Variants in RASSF3 observed in about 807,000 individuals in gnomAD.
RASSF3 encodes ras association domain-containing protein 3.
Under a neutral mutation model 19.9 loss-of-function variants are expected in RASSF3, and 19 were observed. The ratio of observed to expected loss-of-function variants is 0.96; its 90% CI spans 0.67 to 1.40. The LOEUF is 1.40. Ranked by LOEUF, RASSF3 falls within the 40% of genes most tolerant of loss-of-function variation. The pLI is 0.00. For synonymous variants in RASSF3, 110 were observed against 104.2 expected, an observed-to-expected ratio of 1.06 and a Z score of -0.34; for missense variants, 306 against 289.8, an observed-to-expected ratio of 1.06 and a Z score of -0.41.
intron 1 of RASSF3, among the ~76,000 whole-genome samples, chr12:64,518,079 C>T (rs1443821175): frequency 1.3e-5 from 2 of 151,884 alleles, no homozygotes; most frequent in African/African-American, 4.8e-5. Flanking sequence ...GCAATCGTAA[C>T]TCAATAAAGA....
chr12:64,633,238 GACACCAGT>G (rs1303530642), intron 1 of RASSF3, among the ~76,000 whole-genome samples: 1 of 152,190 alleles, frequency 6.6e-6, no homozygotes. Context: ...CTCTGGTTTT[GACACCAGT>G]GGATACTGAT....
intron 1 of RASSF3, among the ~76,000 whole-genome samples, chr12:64,646,332 T>C (rs1871733424): frequency 6.6e-6 from 1 of 152,204 alleles, no homozygotes; most frequent in African/African-American, 2.4e-5. Flanking sequence ...CCACTAGCAA[T>C]GGATGAGAGT....
At chr12:64,516,574 C>T (rs371750371) in intron 1 of RASSF3, among the ~76,000 whole-genome samples, 1 of 149,090 alleles carries the variant, frequency 6.7e-6, no homozygotes, top group Non-Finnish European at 1.5e-5. Flanking sequence ...AGCCGAGATC[C>T]CGCCACTGCA....
At chr12:64,622,394 G>GA in intron 1 of RASSF3, 1 of 504,728 alleles carries the variant, frequency 2.0e-6, no homozygotes. Context: ...ACTAGGTATT[G>GA]AAAAAAGGAT....
chr12:64,507,444 T>G (rs1868298901), intron 1 of RASSF3: 1 of 396,490 alleles, frequency 2.5e-6, no homozygotes, highest in African/African-American at 2.1e-5. Context: ...AGAAAAGTCT[T>G]GAAGCCTTTA....
rs759727762 is a variant in RASSF3, at chr12:64,694,877, G to C, written c.682G>C (p.Glu228Gln). 1 of 1,614,224 alleles carries C rather than the reference G, an allele frequency of 6.2e-7. No individual in the cohort carries two copies. Among genetic ancestry groups the C allele is most frequent in the South Asian group, 1.1e-5 (1 of 91,086 alleles). ...CTACACAGCCTACAGGCAGAAGCTGGAAGAAGCCCTCCGTGAGGTGTGGAA... is the reference window on the plus strand; with the variant it reads ...CTACACAGCCTACAGGCAGAAGCTGCAAGAAGCCCTCCGTGAGGTGTGGAA... ...RRYTAYRQKL[E>Q]EALREVWKPD Residue 228 changes from glutamate (E) to glutamine (Q), a missense_variant, in exon 5 of 5, where the codon GAA (glutamate) becomes CAA (glutamine). Glu to Gln is a conservative substitution (Grantham distance 29). Coordinates refer to ENST00000542104, the MANE Select transcript of RASSF3 (RefSeq NM_178169.4).
chr12:64,618,934 AAAAG>A (rs772864139), intron 1 of RASSF3, among the ~76,000 whole-genome samples: 5 of 152,326 alleles, frequency 3.3e-5, no homozygotes, highest in East Asian at 3.9e-4. Flanking sequence ...ATAATAAAAA[AAAAG>A]AAAGAATGTA....
At chr12:64,651,254 T>G (rs1797689) in intron 1 of RASSF3, among the ~76,000 whole-genome samples, 47,143 of 152,078 alleles carry the variant, frequency 0.31, 7,527 homozygotes, top group Non-Finnish European at 0.36. Context: ...CTAGTTTAAG[T>G]CCCAAGATAT....
At chr12:64,527,128 AGCTGAAGCTCAT>A (rs1243105998) in intron 1 of RASSF3, among the ~76,000 whole-genome samples, 4 of 152,232 alleles carry the variant, frequency 2.6e-5, no homozygotes, top group Non-Finnish European at 5.9e-5. Flanking sequence ...CAAGTTACCC[AGCTGAAGCTCAT>A]GCTGTCCTCC....
intron 1 of RASSF3, among the ~76,000 whole-genome samples, chr12:64,683,891 C>T (rs978787185): frequency 2.6e-5 from 4 of 151,676 alleles, no homozygotes; most frequent in Admixed American, 6.6e-5. Context: ...AATATATCCC[C>T]TAGGAAGACT....
At chr12:64,678,097 T>C (rs558723489) in intron 1 of RASSF3, among the ~76,000 whole-genome samples, 1 of 152,334 alleles carries the variant, frequency 6.6e-6, no homozygotes, top group South Asian at 2.1e-4. Context: ...AGAAGACATC[T>C]AGAGGAGTCA....
At chr12:64,566,221 G>T (rs73126224) in intron 2 of RASSF3, among the ~76,000 whole-genome samples, 7,425 of 152,196 alleles carry the variant, frequency 0.049, 244 homozygotes, top group Non-Finnish European at 0.076. Context: ...CTTGCTGACA[G>T]AACTCTATTT....
At chr12:64,610,254 C>G (rs1870288731), upstream of RASSF3, among the ~76,000 whole-genome samples, 1 of 152,084 alleles carries the variant, frequency 6.6e-6, no homozygotes, top group Non-Finnish European at 1.5e-5. Context: ...CCAGCAGACG[C>G]AGCCCTAGCG....
intron 1 of RASSF3, among the ~76,000 whole-genome samples, chr12:64,651,279 A>G (rs2136190855): frequency 6.6e-6 from 1 of 152,340 alleles, no homozygotes; most frequent in African/African-American, 2.4e-5. Context: ...AGAGACAATA[A>G]AAATGATAAT....
At chr12:64,552,981 C>T (rs151138356) in intron 2 of RASSF3, among the ~76,000 whole-genome samples, 3 of 152,008 alleles carry the variant, frequency 2.0e-5, no homozygotes, top group East Asian at 1.9e-4. Flanking sequence ...GAGGCCAAGG[C>T]GGGTGGATCA....
At chr12:64,589,208 G>T (rs1217183162) in intron 2 of RASSF3, among the ~76,000 whole-genome samples, 1 of 152,216 alleles carries the variant, frequency 6.6e-6, no homozygotes, top group African/African-American at 2.4e-5. Flanking sequence ...CCAGCACTTT[G>T]GGAGGCTGAG....
downstream of RASSF3, among the ~76,000 whole-genome samples, chr12:64,546,516 C>T (rs930234533): frequency 3.3e-5 from 5 of 152,286 alleles, no homozygotes; most frequent in African/African-American, 9.6e-5. Flanking sequence ...GTGATACACC[C>T]GCCTAGGCCC....
At chr12:64,658,521 G>A (rs887445161) in intron 1 of RASSF3, among the ~76,000 whole-genome samples, 3 of 152,192 alleles carry the variant, frequency 2.0e-5, no homozygotes, top group Non-Finnish European at 4.4e-5. Flanking sequence ...AAGGAATTAC[G>A]GCAGGCACAG....
At chr12:64,588,355 A>G (rs1234513758) in intron 2 of RASSF3, among the ~76,000 whole-genome samples, 7 of 152,196 alleles carry the variant, frequency 4.6e-5, no homozygotes, top group South Asian at 2.1e-4. Flanking sequence ...AATATTCATT[A>G]TTACAGATTA....
Sources: allele counts gnomAD v4.1 joint callset (sites outside exome capture counted in the v4.1 genomes callset), GRCh38; gene constraint gnomAD v4.1.1; transcripts MANE v1.5; gene names NCBI Gene and HGNC (gene_info 2026-07-23, HGNC 2026-07-21).